TXNDC11: variants seen among roughly 807,000 people sequenced by gnomAD.
TXNDC11 encodes thioredoxin domain containing 11.
In TXNDC11, 68 loss-of-function variants were observed where a neutral mutation model predicts 78.0. The ratio of observed to expected loss-of-function variants is 0.87; its 90% confidence interval spans 0.72 to 1.07. TXNDC11 has a LOEUF of 1.07. TXNDC11 is among the 50% of genes least tolerant of loss of function. The pLI is 0.00. For missense variants in TXNDC11, 1,389 were observed against 1,221.8 expected, an observed-to-expected ratio of 1.14 and a Z score of -2.04; for synonymous variants, 571 against 495.2, an observed-to-expected ratio of 1.15 and a Z score of -2.03.
chr16:11,690,267 G>A (rs2141985012), intron 8 of TXNDC11, among the ~76,000 whole-genome samples: 1 of 152,352 alleles, frequency 6.6e-6, no homozygotes, highest in South Asian at 2.1e-4. Context: ...CCTGGGAACA[G>A]GCCAGGGTGG....
chr16:11,742,662 GC>G lies in TXNDC11; in HGVS notation c.68del (p.Gly23AlafsTer68). 2.0e-6 allele frequency: 3 copies of G among 1,465,152 alleles called. No individual in the cohort carries two copies. The highest frequency in any genetic ancestry group is 1.5e-5 in the African/African-American group (1 of 68,164). 90.8% of individuals were successfully genotyped at this position (1,465,152 alleles called of 1,614,324 possible). On this transcript the variant is annotated frameshift_variant, in exon 1 of 12. Transcript: ENST00000283033. LOFTEE classifies it high-confidence loss of function. The part of the protein sequence containing the change: ...SSEDAEDEGG[G>X]GGGPAGSDCL... ...AGTCTGAGCCCGCGGGGCCGCCGCC[GC>G]CCCCTCCCTCGTCCTCGGCGTCCTC...
chr16:11,718,238 C>T (rs1247937534), intron 5 of TXNDC11, among the ~76,000 whole-genome samples: 1 of 152,002 alleles, frequency 6.6e-6, no homozygotes, highest in Non-Finnish European at 1.5e-5. Flanking sequence ...AAATGTAGAA[C>T]TTTGAAGTGG....
At chr16:11,687,067 G>C (rs959890258) in intron 10 of TXNDC11, among the ~76,000 whole-genome samples, 2 of 152,162 alleles carry the variant, frequency 1.3e-5, no homozygotes, top group African/African-American at 2.4e-5. Flanking sequence ...GTGACACAGA[G>C]ACACTGGAAA....
chr16:11,742,294 G>C (rs2052422114), intron 1 of TXNDC11, 183 bp downstream of exon 1: 1 of 475,194 alleles, frequency 2.1e-6, no homozygotes, highest in Non-Finnish European at 3.6e-6. Flanking sequence ...TAATGTCCGC[G>C]GGCGGGCCGG....
intron 4 of TXNDC11, among the ~76,000 whole-genome samples, chr16:11,726,511 T>C (rs1597483238): frequency 7.3e-6 from 1 of 137,538 alleles, no homozygotes; most frequent in Non-Finnish European, 1.5e-5. Flanking sequence ...ACCTGGCAGG[T>C]GGAGGCTGCA....
intron 5 of TXNDC11, among the ~76,000 whole-genome samples, chr16:11,715,003 C>G (rs1160347777): frequency 6.6e-6 from 1 of 152,148 alleles, no homozygotes; most frequent in Non-Finnish European, 1.5e-5. Context: ...GTAATCCCAG[C>G]ACTTTGGGAG....
intron 6 of TXNDC11, among the ~76,000 whole-genome samples, chr16:11,700,089 T>C (rs926461328): frequency 3.3e-5 from 5 of 152,140 alleles, no homozygotes; most frequent in African/African-American, 1.2e-4. Flanking sequence ...AAGAAACAGA[T>C]AAACACAGAA....
In TXNDC11 at chr16:11,698,254, C is replaced by A. The variant is rs142448816; in HGVS notation, c.978G>T (p.Thr326=). ...CGTGTGGCCGCAGCCACCGAAAGAG[C>A]GTCTCCTGGTTTTCTAAGGCCCACT... The part of the protein sequence containing the change: ...ICKWALENQE[T]LFRWLRPHGG... The change falls in exon 7 of 12, where the codon ACG becomes ACT. Residue 326 remains threonine, a synonymous_variant. Coordinates refer to ENST00000283033, the MANE Select transcript of TXNDC11 (RefSeq NM_015914.7). The A allele has an allele frequency of 2.4e-5, 39 of 1,614,076 alleles. No individual in the cohort carries two copies. The highest frequency in any genetic ancestry group is 3.1e-5 in the Non-Finnish European group (36 of 1,180,034).
At chr16:11,692,249 A>G (rs1165400971) in intron 7 of TXNDC11, 167 bp from the exon 8 acceptor site, 8 of 623,550 alleles carry the variant, frequency 1.3e-5, no homozygotes, top group East Asian at 8.5e-5. Context: ...TTTAAACTAC[A>G]TGTCGCTCTG....
In TXNDC11 at chr16:11,698,175, G is replaced by A; in HGVS notation, c.1057C>T (p.Leu353=). 6.2e-7 allele frequency: 1 copy of A among 1,614,246 alleles called. No individual in the cohort carries two copies. Among genetic ancestry groups the A allele is most frequent in the Non-Finnish European group, 8.5e-7 (1 of 1,180,040 alleles). ...NELKKGPALF[L]FIPFNPLAES... The stretch of plus-strand genomic sequence containing the variant: ...GCCAGGGGATTAAAAGGTATGAACA[G>A]AAACAGCGCTGGTCCTTTCTTCAGC... Residue 353 remains leucine, a synonymous_variant, in exon 7 of 12, where the codon CTG becomes TTG. Coordinates refer to ENST00000283033, the MANE Select transcript of TXNDC11 (RefSeq NM_015914.7).
intron 3 of TXNDC11, among the ~76,000 whole-genome samples, chr16:11,732,463 C>T (rs950315910): frequency 2.0e-5 from 3 of 152,162 alleles, no homozygotes; most frequent in Admixed American, 6.5e-5. Context: ...CTTACACTTA[C>T]CTTTAAAACA....
chr16:11,714,326 G>C (rs921849173), intron 5 of TXNDC11, among the ~76,000 whole-genome samples: 2 of 152,156 alleles, frequency 1.3e-5, no homozygotes, highest in African/African-American at 4.8e-5. Flanking sequence ...GCCCCGCCAA[G>C]ATCTTTTGAT....
chr16:11,717,038 C>T (rs1259594681), intron 5 of TXNDC11, among the ~76,000 whole-genome samples: 1 of 144,898 alleles, frequency 6.9e-6, no homozygotes, highest in African/African-American at 2.6e-5. Context: ...AGCCAGGGAG[C>T]ATAAAGTGCT....
intron 1 of TXNDC11, among the ~76,000 whole-genome samples, chr16:11,741,639 G>C (rs1416733281): frequency 6.6e-6 from 1 of 152,166 alleles, no homozygotes; most frequent in African/African-American, 2.4e-5. Flanking sequence ...TAGCACTGAA[G>C]CTTTAAAAAA....
In TXNDC11 at chr16:11,690,739, T is replaced by C. The variant is rs531427566; in HGVS notation, c.1900+551A>G. Reference sequence around the variant, plus strand: ...GGCTAATTTTTTTTTTTTTTGTATTTTTAGTAGAGACGGGGTTTCACCACA... The same window carrying C: ...GGCTAATTTTTTTTTTTTTTGTATTCTTAGTAGAGACGGGGTTTCACCACA... On this transcript the variant is annotated intron_variant, in intron 8 of 11. Coordinates refer to ENST00000283033, the MANE Select transcript of TXNDC11 (RefSeq NM_015914.7). The C allele has an allele frequency of 3.0e-3, 461 of 152,498 alleles. 2 individuals carry two copies. Among genetic ancestry groups the C allele is most frequent in the Admixed American group, 5.7e-3 (87 of 15,286 alleles). 9.4% of individuals were successfully genotyped at this position (152,498 alleles called of 1,614,324 possible). A position where few individuals can be genotyped will look rare whatever the true frequency, so the allele number is the denominator to read the frequency against.
At chr16:11,694,161 G>A (rs1431981896) in intron 7 of TXNDC11, among the ~76,000 whole-genome samples, 1 of 142,298 alleles carries the variant, frequency 7.0e-6, no homozygotes, top group African/African-American at 2.7e-5. Flanking sequence ...CCAGGCCGGA[G>A]TACAATGGCA....
Position 11,679,462 on chromosome 16 carries a change from C to T in TXNDC11, c.2610G>A (p.Leu870=). 6.2e-7 allele frequency: 1 copy of T among 1,613,752 alleles called. No homozygotes were observed. Among genetic ancestry groups the T allele is most frequent in the South Asian group, 1.1e-5 (1 of 91,076 alleles). The change falls in exon 12 of 12, where the codon CTG becomes CTA. Residue 870 remains leucine (L), a synonymous_variant. Coordinates refer to ENST00000283033, the MANE Select transcript of TXNDC11 (RefSeq NM_015914.7). This position sits in a 1 kb window ranked among gnomAD's most constrained non-coding sequence, Gnocchi z 4.6. ...QALYEQKTRE[L]QELARKLQEL... ...CCTGCAGCTTGCGGGCCAGCTCCTG[C>T]AGCTCACGTGTCTTCTGCTCATAGA... is the stretch of plus-strand genomic sequence containing the variant.
chr16:11,724,785 G>A (rs879816696), intron 4 of TXNDC11, among the ~76,000 whole-genome samples: 4 of 151,972 alleles, frequency 2.6e-5, no homozygotes, highest in Non-Finnish European at 4.4e-5. Flanking sequence ...TTTCTCTGTC[G>A]CCAAGGCTGG....
At chr16:11,738,533 C>T (rs1288654118) in intron 1 of TXNDC11, among the ~76,000 whole-genome samples, 1 of 152,008 alleles carries the variant, frequency 6.6e-6, no homozygotes, top group Non-Finnish European at 1.5e-5. Flanking sequence ...AAAAATTTAA[C>T]AAGGTGATGT....
Sources: gnomAD v4.1 joint callset for allele counts (sites outside exome capture counted in the v4.1 genomes callset) on GRCh38, gnomAD v4.1.1 for gene constraint, Gnocchi (gnomAD v3.1) non-coding constraint, MANE v1.5 for transcripts, NCBI Gene and HGNC (gene_info 2026-07-23, HGNC 2026-07-21) for gene names.